NCAM2: variants seen among roughly 807,000 people sequenced by gnomAD.
NCAM2 encodes neural cell adhesion molecule 2.
NCAM2 carries 30 observed loss-of-function variants against 98.1 expected under a neutral mutation model. The ratio of observed to expected loss-of-function variants is 0.31; its 90% CI spans 0.23 to 0.41. NCAM2 has a LOEUF of 0.41. Among genes scored for constraint, NCAM2 ranks in the 10% least tolerant of loss-of-function variants. The pLI, the probability that NCAM2 is intolerant of heterozygous loss-of-function variation, is 1.00. For missense variants in NCAM2, 867 were observed against 1,005.8 expected, an observed-to-expected ratio of 0.86 and a Z score of 1.87; for synonymous variants, 368 against 342.4, an observed-to-expected ratio of 1.07 and a Z score of -0.83.
At chr21:21,018,396 C>T (rs1308569940) in intron 1 of NCAM2, among the ~76,000 whole-genome samples, 1 of 152,152 alleles carries the variant, frequency 6.6e-6, no homozygotes, top group East Asian at 1.9e-4. Flanking sequence ...TCAGTTTCTC[C>T]AGTTTGTAAT....
intron 1 of NCAM2, among the ~76,000 whole-genome samples, chr21:21,058,995 A>G (rs143945002): frequency 5.7e-4 from 86 of 152,166 alleles, no homozygotes; most frequent in African/African-American, 1.6e-3. Flanking sequence ...AATATCCCAG[A>G]TATTTCCTTG....
At chr21:21,305,871 A>G (rs1027482205) in intron 5 of NCAM2, among the ~76,000 whole-genome samples, 1 of 152,092 alleles carries the variant, frequency 6.6e-6, no homozygotes, top group African/African-American at 2.4e-5. Flanking sequence ...CTTCTAATGC[A>G]TGTATTTAGT....
intron 8 of NCAM2, among the ~76,000 whole-genome samples, chr21:21,340,833 T>G (rs1015547811): frequency 3.3e-5 from 5 of 151,954 alleles, no homozygotes; most frequent in African/African-American, 1.2e-4. Context: ...TAAAATTGAG[T>G]TCAAAGAGTC....
intron 3 of NCAM2, 128 bp from the exon 4 acceptor site, chr21:21,286,141 A>G (rs2073090305): frequency 9.9e-7 from 1 of 1,014,896 alleles, no homozygotes; most frequent in Admixed American, 2.9e-5. Context: ...TTAAGATTTT[A>G]AAGTATCTAG....
intron 1 of NCAM2, among the ~76,000 whole-genome samples, chr21:21,003,888 C>T (rs999556928): frequency 2.0e-5 from 3 of 152,092 alleles, no homozygotes; most frequent in African/African-American, 7.2e-5. Flanking sequence ...CACTTATTGT[C>T]CTAGTGATGC....
At chr21:21,354,109 T>G (rs1477195066) in intron 8 of NCAM2, among the ~76,000 whole-genome samples, 2 of 152,154 alleles carry the variant, frequency 1.3e-5, no homozygotes, top group Admixed American at 1.3e-4. Context: ...ATCATAAATA[T>G]AAAGTGCTTA....
In NCAM2 at chr21:21,233,147, G is replaced by A. The variant is rs541752401; in HGVS notation, c.56-47431G>A. 4.0e-5 allele frequency among the ~76,000 whole-genome samples: 6 copies of A among 151,584 alleles called. No individual in the cohort carries two copies. In the South Asian group the frequency reaches 1.0e-3, roughly 26 times the overall value. On this transcript the variant is annotated intron_variant, in intron 1 of 17. Transcript: ENST00000400546. ...TCTACTTGGCAGGAGAAAGAAGATT[G>A]ATACAAAATTGGCAAGTTCTTCTTT...
intron 1 of NCAM2, among the ~76,000 whole-genome samples, chr21:21,022,667 T>C (rs576796977): frequency 6.6e-6 from 1 of 152,314 alleles, no homozygotes; most frequent in South Asian, 2.1e-4. Context: ...TGCAAATTAT[T>C]TTAACATAAT....
chr21:21,490,478 A>G (rs1175513046), intron 15 of NCAM2, among the ~76,000 whole-genome samples: 1 of 151,976 alleles, frequency 6.6e-6, no homozygotes, highest in African/African-American at 2.4e-5. Flanking sequence ...ATTAGTCTTT[A>G]TCATTTCATT....
chr21:21,043,965 CCAAAT>C (rs2064959535), intron 1 of NCAM2, among the ~76,000 whole-genome samples: 1 of 151,826 alleles, frequency 6.6e-6, no homozygotes, highest in African/African-American at 2.4e-5. Context: ...CTGGAATACT[CCAAAT>C]CAAGGATATT....
intron 1 of NCAM2, chr21:21,147,187 C>A: frequency 3.1e-6 from 3 of 974,494 alleles, no homozygotes; most frequent in Non-Finnish European, 3.6e-6. Context: ...CCGCTGCCTT[C>A]TACTTCAGCA....
At chr21:21,222,995 C>A (rs957511957) in intron 1 of NCAM2, among the ~76,000 whole-genome samples, 6 of 152,106 alleles carry the variant, frequency 3.9e-5, no homozygotes, top group South Asian at 2.1e-4. Flanking sequence ...GCAGCCATGA[C>A]GTTGATGCAA....
intron 9 of NCAM2, among the ~76,000 whole-genome samples, chr21:21,406,120 A>G (rs1419083860): frequency 6.6e-6 from 1 of 152,144 alleles, no homozygotes; most frequent in East Asian, 1.9e-4. Context: ...CCTGTTAAAA[A>G]CTGTAAGGAA....
intron 15 of NCAM2, among the ~76,000 whole-genome samples, chr21:21,482,781 T>TTTAA (rs3039041): frequency 0.77 from 115,944 of 151,168 alleles, 45,226 homozygotes; most frequent in African/African-American, 0.86. Context: ...TTTTTCATTT[T>TTTAA]TTCTTATTAA....
chr21:21,020,530 G>A (rs1302938316), intron 1 of NCAM2, among the ~76,000 whole-genome samples: 1 of 152,190 alleles, frequency 6.6e-6, no homozygotes, highest in Non-Finnish European at 1.5e-5. Context: ...TGTACTAGCA[G>A]CATTTCACAG....
intron 9 of NCAM2, among the ~76,000 whole-genome samples, chr21:21,388,812 C>T (rs1362885646): frequency 1.3e-5 from 2 of 151,970 alleles, no homozygotes; most frequent in Non-Finnish European, 2.9e-5. Context: ...AATCTAGTGG[C>T]TTATTTGAGA....
In NCAM2 at chr21:21,479,583, C is replaced by CAAAAAAAAAAA. The variant is rs1156588500; in HGVS notation, c.2077+2127_2077+2137dup. On this transcript the variant is annotated intron_variant, in intron 15 of 17. Coordinates refer to ENST00000400546, the MANE Select transcript of NCAM2 (RefSeq NM_004540.5). ...TGGGAGACAGAGCGAGACTGCGTCTCAAAAAAAAAAAAAAAAAAAAAAAAA... is the reference window on the plus strand; with the variant it reads ...TGGGAGACAGAGCGAGACTGCGTCTCAAAAAAAAAAAAAAAAAAAAAAAAAAAAAAAAAAAA... 1.4e-3 allele frequency among the ~76,000 whole-genome samples: 44 copies of CAAAAAAAAAAA among 30,960 alleles called. 3 individuals carry two copies. Among genetic ancestry groups the CAAAAAAAAAAA allele is most frequent in the Non-Finnish European group, 2.3e-3 (34 of 14,882 alleles). The allele number at this position is 30,960 out of a possible 152,430, so 20.3% of individuals were successfully genotyped here.
intron 15 of NCAM2, among the ~76,000 whole-genome samples, chr21:21,489,012 A>G (rs748015906): frequency 1.4e-3 from 205 of 151,640 alleles, no homozygotes; most frequent in Non-Finnish European, 2.3e-3. Context: ...TTTTCTTGAG[A>G]CAGACTCTTG....
At chr21:21,265,242 T>C (rs1473451585) in intron 1 of NCAM2, among the ~76,000 whole-genome samples, 2 of 128,924 alleles carry the variant, frequency 1.6e-5, no homozygotes, top group South Asian at 4.7e-4. Flanking sequence ...TATGCATGTG[T>C]ATGTGTATAT....
Sources: gnomAD v4.1 joint callset for allele counts (sites outside exome capture counted in the v4.1 genomes callset) on GRCh38, gnomAD v4.1.1 for gene constraint, MANE v1.5 for transcripts, NCBI Gene and HGNC (gene_info 2026-07-23, HGNC 2026-07-21) for gene names.